The following HAL variants were observed in gnomAD, a reference collection of about 807,000 sequenced individuals.
HAL encodes histidase.
HAL carries 85 observed loss-of-function variants against 81.1 expected under a neutral mutation model. The observed-to-expected ratio is 1.05, with a 90% CI of 0.88 to 1.25. The LOEUF (loss-of-function observed/expected upper bound fraction) is 1.25, where lower values mean the gene tolerates loss of function less well. Ranked by LOEUF, HAL falls within the 50% of genes most tolerant of loss-of-function variation. HAL has a pLI of 0.00. For missense variants in HAL, 798 were observed against 836.6 expected (o/e 0.95, Z 0.57); for synonymous variants, 301 against 309.2 (o/e 0.97, Z 0.28).
chr12:95,995,525 G>T, intron 2 of HAL, 139 bp downstream of exon 2: 1 of 1,108,444 alleles, frequency 9.0e-7, no homozygotes, highest in Non-Finnish European at 1.3e-6. Flanking sequence ...CCCCAGAGGC[G>T]TGGCATGTGC....
At chr12:95,975,514 A>G (rs1344778692) in intron 20 of HAL, among the ~76,000 whole-genome samples, 2 of 146,728 alleles carry the variant, frequency 1.4e-5, no homozygotes, top group Non-Finnish European at 3.0e-5. Context: ...CCGCATCTCT[A>G]AAAAAATTTT....
At chr12:95,984,123 C>G (rs1229506927) in intron 14 of HAL, 132 bp from the exon 15 acceptor site, 4 of 617,996 alleles carry the variant, frequency 6.5e-6, no homozygotes, top group Non-Finnish European at 1.2e-5. Flanking sequence ...AAGTTATAAC[C>G]ATGGAAATTA....
In HAL at chr12:95,974,151, T is replaced by C. The variant is rs2080686926; in HGVS notation, c.*81A>G. 3 of 1,244,860 alleles carry C rather than the reference T, an allele frequency of 2.4e-6. No homozygotes were observed. The Admixed American group carries it at 5.0e-5, about 21-fold the overall frequency. 77.1% of individuals were successfully genotyped at this position (1,244,860 alleles called of 1,614,324 possible). ...CAATGGATTGATCTACCTAGGAAAG[T>C]TCTCAGGTCTCTCCTTCAGCCTAGT... On this transcript the variant is annotated 3_prime_UTR_variant, in exon 21 of 21. Transcript: ENST00000261208.
chr12:95,976,401 TA>T, intron 20 of HAL, 27 bp downstream of exon 20: 2 of 1,581,346 alleles, frequency 1.3e-6, no homozygotes, highest in Admixed American at 3.3e-5. Flanking sequence ...AATTAAAAAT[TA>T]AGAAACAAGC....
At chr12:95,977,639 C>A (rs1285908530) in intron 18 of HAL, among the ~76,000 whole-genome samples, 1 of 37,034 alleles carries the variant, frequency 2.7e-5, no homozygotes, top group Non-Finnish European at 4.2e-5. Flanking sequence ...AGAGATCCTG[C>A]CTCAAAAAAA....
intron 20 of HAL, 185 bp downstream of exon 20, chr12:95,976,244 C>T: frequency 3.0e-6 from 2 of 665,176 alleles, no homozygotes; most frequent in South Asian, 1.6e-5. Context: ...GTTGGCTGCA[C>T]CCTGGTGCAC....
chr12:95,995,699 T>A lies in HAL; in HGVS notation c.212A>T (p.Glu71Val), dbSNP rs748153737. 1 of 1,613,592 alleles carries A rather than the reference T, an allele frequency of 6.2e-7. No homozygotes were observed. Among genetic ancestry groups the A allele is most frequent in the Non-Finnish European group, 8.5e-7 (1 of 1,180,042 alleles). The change falls in exon 2 of 21, where the codon GAG becomes GTG. Residue 71 changes from glutamate (E) to valine (V), a missense_variant. Physicochemically the swap from Glu to Val is moderately radical, Grantham distance 121. Transcript: ENST00000261208. ...LGLLDNEDRLEVALENNEFVE... is the reference protein window; with the variant it reads ...LGLLDNEDRLVVALENNEFVE... The stretch of plus-strand genomic sequence containing the variant: ...GAACTCGTTGTTCTCTAGGGCCACC[T>A]CGAGCCGGTCCTCGTTGTCCAGCAG...
intron 8 of HAL, 59 bp from the exon 9 acceptor site, chr12:95,992,864 A>T: frequency 7.3e-7 from 1 of 1,363,352 alleles, no homozygotes. Flanking sequence ...GTCTCCTGAC[A>T]ATTGCCCTCC....
intron 17 of HAL, among the ~76,000 whole-genome samples, chr12:95,978,559 C>T (rs2080753528): frequency 1.3e-5 from 2 of 152,108 alleles, no homozygotes. Flanking sequence ...GGCTCGATGA[C>T]TGCCAGAAAT....
chr12:95,975,175 A>G (rs1190834201), intron 20 of HAL, among the ~76,000 whole-genome samples: 1 of 152,232 alleles, frequency 6.6e-6, no homozygotes, highest in Non-Finnish European at 1.5e-5. Context: ...GTGCCCCTGC[A>G]GTATCAGCAT....
Position 95,973,500 on chromosome 12 carries a change from T to A in HAL, c.*732A>T, listed in dbSNP as rs942477406. 2 of 152,128 alleles carry A rather than the reference T, an allele frequency of 1.3e-5. No individual in the cohort carries two copies. The highest frequency in any genetic ancestry group is 2.1e-4 in the South Asian group (1 of 4,808). 9.4% of individuals were successfully genotyped at this position (152,128 alleles called of 1,614,324 possible). ...GGAAGTGAAAATACTAACCTCAAAC[T>A]CCCATGTAAGCATTTGGGGGATACG... is the stretch of plus-strand genomic sequence containing the variant. On this transcript the variant is annotated 3_prime_UTR_variant, in exon 21 of 21. Transcript: ENST00000261208.
At position 95,987,090 on chromosome 12, in the gene HAL, C is replaced by T; in HGVS notation, c.1028G>A (p.Gly343Asp). 1 of 1,613,312 alleles carries T rather than the reference C, an allele frequency of 6.2e-7. No individual in the cohort carries two copies. Among genetic ancestry groups the T allele is most frequent in the Non-Finnish European group, 8.5e-7 (1 of 1,179,386 alleles). Reference sequence around the variant, plus strand: ...ACCAGTGTCAAAGGCTTTGGTGGTGCCCTTCAGCACCTCAAGGGTCAGGGC... The same window carrying T: ...ACCAGTGTCAAAGGCTTTGGTGGTGTCCTTCAGCACCTCAAGGGTCAGGGC... ...VAALTLEVLK[G>D]TTKAFDTDIH... Residue 343 changes from glycine to aspartate, a missense_variant, in exon 12 of 21, where the codon GGC (glycine) becomes GAC (aspartate). Gly to Asp is a moderately conservative substitution (Grantham distance 94). Transcript: ENST00000261208.
At chr12:95,987,320 T>A (rs930926942) in intron 11 of HAL, 106 bp from the exon 12 acceptor site, 2 of 913,110 alleles carry the variant, frequency 2.2e-6, no homozygotes, top group African/African-American at 3.3e-5. Flanking sequence ...TAGCCAGTCA[T>A]AAACATAAAA....
At chr12:95,981,240 T>C (rs1592840379) in intron 15 of HAL, among the ~76,000 whole-genome samples, 1 of 152,198 alleles carries the variant, frequency 6.6e-6, no homozygotes, top group East Asian at 1.9e-4. Context: ...GTTTCTTCAA[T>C]GGGCACTGCA....
intron 9 of HAL, among the ~76,000 whole-genome samples, chr12:95,991,929 C>T (rs911985035): frequency 5.9e-5 from 9 of 152,212 alleles, no homozygotes; most frequent in African/African-American, 2.2e-4. Flanking sequence ...GTGCCACTTG[C>T]GTCCATAACA....
At chr12:95,986,312 C>T (rs1949888015) in intron 12 of HAL, 152 bp from the exon 13 acceptor site, 2 of 675,238 alleles carry the variant, frequency 3.0e-6, no homozygotes, top group Admixed American at 4.2e-5. Flanking sequence ...GGATTACAGG[C>T]ATGAGCCACC....
At position 95,989,818 on chromosome 12, in the gene HAL, G is replaced by C. The variant is rs535040555; in HGVS notation, c.855+575C>G. The stretch of plus-strand genomic sequence containing the variant: ...ATTTCCTTAGCTGTTTCCTCTTCTG[G>C]GGCCCTCTACCCCTTTCACTTACTA... On this transcript the variant is annotated intron_variant, in intron 10 of 20. Transcript: ENST00000261208. 9.8e-5 allele frequency: 16 copies of C among 163,780 alleles called. No individual in the cohort carries two copies. The South Asian group carries it at 2.5e-3, about 26-fold the overall frequency. 10.1% of individuals were successfully genotyped at this position (163,780 alleles called of 1,614,324 possible). A position where few individuals can be genotyped will look rare whatever the true frequency, so the allele number is the denominator to read the frequency against.
At chr12:95,984,689 T>C (rs985928453) in intron 14 of HAL, among the ~76,000 whole-genome samples, 12 of 152,220 alleles carry the variant, frequency 7.9e-5, no homozygotes, top group African/African-American at 2.9e-4. Context: ...TATCTTATAG[T>C]TGGGAAGATT....
chr12:95,989,952 A>G lies in HAL; in HGVS notation c.855+441T>C, dbSNP rs193070533. On this transcript the variant is annotated intron_variant, in intron 10 of 20. Transcript: ENST00000261208. ...AGAAAACACCAAAGCTTTATCAAAA[A>G]CAGGCTTTTTTGATTAGCCACTAGG... 10 of 235,006 alleles carry G rather than the reference A, an allele frequency of 4.3e-5. No individual in the cohort carries two copies. The East Asian group carries it at 9.3e-4, about 22-fold the overall frequency. The allele number at this position is 235,006 out of a possible 1,614,324, so 14.6% of individuals were successfully genotyped here.
Sources: allele counts gnomAD v4.1 joint callset (sites outside exome capture counted in the v4.1 genomes callset), GRCh38; gene constraint gnomAD v4.1.1; transcripts MANE v1.5; gene names NCBI Gene and HGNC (gene_info 2026-07-23, HGNC 2026-07-21).